NACA: variants seen among roughly 807,000 people sequenced by gnomAD.
NACA encodes nascent polypeptide-associated complex subunit alpha.
A neutral mutation model predicts 86.4 loss-of-function variants in NACA; 42 were observed. That is an observed-to-expected ratio of 0.49 (90% CI 0.38 to 0.63). The LOEUF is 0.63. NACA is among the 20% of genes least tolerant of loss of function. NACA has a pLI of 0.00. For missense variants in NACA, 2,157 were observed against 2,483.6 expected (o/e 0.87, Z 2.80); for synonymous variants, 898 against 973.7 (o/e 0.92, Z 1.45).
Position 56,719,656 on chromosome 12 carries a change from G to C in NACA, c.1874C>G (p.Ser625Cys). The change falls in exon 3 of 9, where the codon TCT becomes TGT. Residue 625 changes from serine (S) to cysteine (C), a missense_variant. Transcript: ENST00000454682. The stretch of plus-strand genomic sequence containing the variant: ...ACCAGCAGAGTCTGGGCCTGCATAA[G>C]AATCTGTCTTGATTACAGAGGCCGA... ...NSSASVIKTD[S>C]YAGPDSAGPL... is the part of the protein sequence containing the mutation. The C allele has an allele frequency of 6.2e-7, 1 of 1,613,822 alleles. No homozygotes were observed. Among genetic ancestry groups the C allele is most frequent in the African/African-American group, 1.3e-5 (1 of 75,040 alleles).
At position 56,719,230 on chromosome 12, in the gene NACA, G is replaced by T; in HGVS notation, c.2300C>A (p.Pro767His). Residue 767 changes from proline to histidine, a missense_variant, in exon 3 of 9, where the codon CCC (proline) becomes CAC (histidine). Around this residue, in one of 8 missense-constraint regions of NACA, gnomAD observed 947 missense variants for 917.9 expected, o/e 1.03. Coordinates refer to ENST00000454682, the MANE Select transcript of NACA (RefSeq NM_001365896.1). ...TSALAPVASSPKECPTEDSGA... is the reference protein window; with the variant it reads ...TSALAPVASSHKECPTEDSGA... The stretch of plus-strand genomic sequence containing the variant: ...AGAGTCCTCAGTTGGGCACTCTTTG[G>T]GAGAGGAAGCAACAGGTGCCAATGC... The T allele has an allele frequency of 6.6e-7, 1 of 1,511,524 alleles. No homozygotes were observed. Among genetic ancestry groups the T allele is most frequent in the Non-Finnish European group, 9.0e-7 (1 of 1,114,386 alleles). 93.6% of individuals were successfully genotyped at this position (1,511,524 alleles called of 1,614,324 possible).
rs1953521736 is a variant in NACA at position 56,719,867 on chromosome 12, T to C, written c.1663A>G (p.Lys555Glu). 1.2e-6 allele frequency: 2 copies of C among 1,613,740 alleles called. No individual in the cohort carries two copies. The highest frequency in any genetic ancestry group is 1.3e-5 in the African/African-American group (1 of 74,878). The change falls in exon 3 of 9, where the codon AAA (lysine) becomes GAA (glutamate). Residue 555 changes from lysine (K) to glutamate (E), a missense_variant. By Grantham distance (56) the Lys-to-Glu change is moderately conservative. This residue lies in a region of NACA where 947 missense variants were observed against 917.9 expected (regional missense o/e 1.03). Coordinates refer to ENST00000454682, the MANE Select transcript of NACA (RefSeq NM_001365896.1). Reference sequence around the variant, plus strand: ...ACTAACGGTAATACAGTAGGGTCTTTCTTGGTGGTGAGTCCTGCTTGGGCT... The same window carrying C: ...ACTAACGGTAATACAGTAGGGTCTTCCTTGGTGGTGAGTCCTGCTTGGGCT... ...SPAQAGLTTKKDPTVLPLVQA... is the reference protein window; with the variant it reads ...SPAQAGLTTKEDPTVLPLVQA...
chr12:56,717,407 T>A lies in NACA; in HGVS notation c.4123A>T (p.Thr1375Ser). Residue 1375 changes from threonine (T) to serine (S), a missense_variant, in exon 3 of 9, where the codon ACC becomes TCC. Transcript: ENST00000454682. The part of the protein sequence containing the change: ...SKEGPTPPAA[T>S]PSHKGGPAMT... ...GCGGGACCTCCTTTGTGGGAGGGGG[T>A]TGCAGCTGGGGGAGTGGGGCCCTCT... The A allele has an allele frequency of 7.8e-7, 1 of 1,276,506 alleles. No individual in the cohort carries two copies. The highest frequency in any genetic ancestry group is 1.0e-6 in the Non-Finnish European group (1 of 988,672). The allele number at this position is 1,276,506 out of a possible 1,614,324, so 79.1% of individuals were successfully genotyped here.
intron 8 of NACA, 110 bp downstream of exon 8, chr12:56,712,676 A>G (rs1953250814): frequency 1.3e-6 from 2 of 1,597,490 alleles, no homozygotes; most frequent in African/African-American, 2.7e-5. Flanking sequence ...AACTCAGAAG[A>G]GGCTCTGGAA....
At chr12:56,723,394 A>T (rs1309022779) in intron 2 of NACA, among the ~76,000 whole-genome samples, 1 of 152,248 alleles carries the variant, frequency 6.6e-6, no homozygotes, top group East Asian at 1.9e-4. Context: ...TTGTTCAATG[A>T]CACAATCTCT....
At chr12:56,723,694 G>A (rs1043393722) in intron 2 of NACA, among the ~76,000 whole-genome samples, 4 of 152,148 alleles carry the variant, frequency 2.6e-5, no homozygotes, top group African/African-American at 9.7e-5. Context: ...AGGTGAGAAT[G>A]AAAATTACAG....
chr12:56,722,230 G>A (rs981533285), intron 2 of NACA, among the ~76,000 whole-genome samples: 5 of 152,166 alleles, frequency 3.3e-5, no homozygotes, highest in African/African-American at 1.2e-4. Context: ...GACTGTAATA[G>A]TCTCTATAAA....
Position 56,716,526 on chromosome 12 carries a change from T to C in NACA, c.5004A>G (p.Ala1668=). Residue 1668 remains alanine, a synonymous_variant, in exon 3 of 9, where the codon GCA becomes GCG. Coordinates refer to ENST00000454682, the MANE Select transcript of NACA (RefSeq NM_001365896.1). ...TCKMGATVPQ[A]SKGLPAKKGP... is the part of the protein sequence containing the mutation. ...CTTTCTTTGCTGGAAGCCCTTTAGATGCTTGAGGAACAGTGGCCCCCATTT... is the reference window on the plus strand; with the variant it reads ...CTTTCTTTGCTGGAAGCCCTTTAGACGCTTGAGGAACAGTGGCCCCCATTT... The C allele has an allele frequency of 6.7e-7, 1 of 1,484,260 alleles. No homozygotes were observed. The highest frequency in any genetic ancestry group is 1.1e-5 in the South Asian group (1 of 89,040). 91.9% of individuals were successfully genotyped at this position (1,484,260 alleles called of 1,614,324 possible).
rs1953459560 is a variant in NACA, at chr12:56,718,375, AG to A, written c.3154del (p.Leu1052SerfsTer66). 1.1e-5 allele frequency: 10 copies of A among 946,104 alleles called. No individual in the cohort carries two copies. Among genetic ancestry groups the A allele is most frequent in the East Asian group, 8.9e-5 (1 of 11,266 alleles). The allele number at this position is 946,104 out of a possible 1,614,324, so 58.6% of individuals were successfully genotyped here. ...SPKGSPAATP[L>X]PKGAPTTPAA... is the part of the protein sequence containing the mutation. ...TGGGGTTGTGGGGGCCCCTTTGGGG[AG>A]TGGGGTAGCTGCTGGACTTCCTTTG... is the stretch of plus-strand genomic sequence containing the variant. On this transcript the variant is annotated frameshift_variant, in exon 3 of 9. Transcript: ENST00000454682. LOFTEE classifies it high-confidence loss of function.
chr12:56,712,507 T>C lies in NACA; in HGVS notation c.*31A>G. 6.2e-7 allele frequency: 1 copy of C among 1,606,370 alleles called. No homozygotes were observed. Among genetic ancestry groups the C allele is most frequent in the Non-Finnish European group, 8.5e-7 (1 of 1,173,650 alleles). On this transcript the variant is annotated 3_prime_UTR_variant, in exon 9 of 9. Transcript: ENST00000454682. ...TCAAACCAAGCTGCAGTTACTCCTT[T>C]GAGACACCAAAAAAAGTTGCTTCCA...
rs1953245955 is a variant in NACA, at chr12:56,712,466, A to G, written c.*72T>C. On this transcript the variant is annotated 3_prime_UTR_variant, in exon 9 of 9. Transcript: ENST00000454682. Reference sequence around the variant, plus strand: ...AAGAAGCCATAACTTTATTTATGATAGAAACAGTACAAATTTCAAACCAAG... The same window carrying G: ...AAGAAGCCATAACTTTATTTATGATGGAAACAGTACAAATTTCAAACCAAG... The G allele has an allele frequency of 6.7e-7, 1 of 1,482,104 alleles. No individual in the cohort carries two copies. The highest frequency in any genetic ancestry group is 9.4e-7 in the Non-Finnish European group (1 of 1,068,850). 91.8% of individuals were successfully genotyped at this position (1,482,104 alleles called of 1,614,324 possible). A position where few individuals can be genotyped will look rare whatever the true frequency, so the allele number is the denominator to read the frequency against.
Position 56,724,563 on chromosome 12 carries a change from G to C in NACA, c.-2-40C>G. ...TAAAAAGGAGGCCTAAATTGATTGG[G>C]ATACATTCACTTGCCCAACCCGGAG... On this transcript the variant is annotated intron_variant, in intron 1 of 8. Coordinates refer to ENST00000454682, the MANE Select transcript of NACA (RefSeq NM_001365896.1). 1.3e-6 allele frequency: 2 copies of C among 1,583,094 alleles called. 1 individual carries two copies. The highest frequency in any genetic ancestry group is 2.3e-5 in the South Asian group (2 of 87,268).
Position 56,717,233 on chromosome 12 carries a change from G to C in NACA, c.4297C>G (p.Leu1433Val). The change falls in exon 3 of 9, where the codon CTC becomes GTC. Residue 1433 changes from leucine to valine, a missense_variant. Physicochemically the swap from Leu to Val is conservative, Grantham distance 32. Transcript: ENST00000454682. ...EGAATPSKGD[L>V]TPPAVTPVSL... ...ACAGGAGTCACTGCTGGGGGAGTGA[G>C]ATCTCCTTTGGATGGGGTGGCTGCG... 2.3e-6 allele frequency: 3 copies of C among 1,315,616 alleles called. No homozygotes were observed. The highest frequency in any genetic ancestry group is 3.0e-6 in the Non-Finnish European group (3 of 1,010,062). 81.5% of individuals were successfully genotyped at this position (1,315,616 alleles called of 1,614,324 possible). A position where few individuals can be genotyped will look rare whatever the true frequency, so the allele number is the denominator to read the frequency against.
At chr12:56,724,293 C>T (rs887333401) in intron 2 of NACA, among the ~76,000 whole-genome samples, 159 bp downstream of exon 2, 1 of 152,176 alleles carries the variant, frequency 6.6e-6, no homozygotes, top group Admixed American at 6.5e-5. Context: ...CTCCAAATCC[C>T]TAAAGAAGTA....
In NACA at chr12:56,717,612, G is replaced by C. The variant is rs766345450; in HGVS notation, c.3918C>G (p.Pro1306=). The C allele has an allele frequency of 2.6e-5, 33 of 1,255,098 alleles. No individual in the cohort carries two copies. Among genetic ancestry groups the C allele is most frequent in the Non-Finnish European group, 3.3e-5 (32 of 978,352 alleles). The allele number at this position is 1,255,098 out of a possible 1,614,324, so 77.7% of individuals were successfully genotyped here. A position where few individuals can be genotyped will look rare whatever the true frequency, so the allele number is the denominator to read the frequency against. ...CAGCTGGAGGAGTGGGGGCCCCTTTGGGGGGTGAGGTAGCTGGGCCTCCTT... is the reference window on the plus strand; with the variant it reads ...CAGCTGGAGGAGTGGGGGCCCCTTTCGGGGGTGAGGTAGCTGGGCCTCCTT... ...SPKGGPATSP[P]KGAPTPPAAT... The change falls in exon 3 of 9, where the codon CCC becomes CCG. Residue 1306 remains proline, a synonymous_variant. Coordinates refer to ENST00000454682, the MANE Select transcript of NACA (RefSeq NM_001365896.1).
In NACA at chr12:56,715,769, A is replaced by G. The variant is rs191919098; in HGVS notation, c.5659+102T>C. On this transcript the variant is annotated intron_variant, in intron 3 of 8. Coordinates refer to ENST00000454682, the MANE Select transcript of NACA (RefSeq NM_001365896.1). ...TCTACATCCAAACCCAAGCAGATTC[A>G]CTGGAGAAAGCGGCGCATCACAGGG... The G allele has an allele frequency of 1.6e-5, 17 of 1,053,936 alleles. No individual in the cohort carries two copies. In the African/African-American group the frequency reaches 2.5e-4, roughly 16 times the overall value. The allele number at this position is 1,053,936 out of a possible 1,614,324, so 65.3% of individuals were successfully genotyped here. A position where few individuals can be genotyped will look rare whatever the true frequency, so the allele number is the denominator to read the frequency against.
In NACA at chr12:56,718,358, T is replaced by G. The variant is rs1592316886; in HGVS notation, c.3172A>C (p.Thr1058Pro). 1 of 1,113,534 alleles carries G rather than the reference T, an allele frequency of 9.0e-7. No individual in the cohort carries two copies. The highest frequency in any genetic ancestry group is 1.1e-6 in the Non-Finnish European group (1 of 906,824). The allele number at this position is 1,113,534 out of a possible 1,614,324, so 69.0% of individuals were successfully genotyped here. A position where few individuals can be genotyped will look rare whatever the true frequency, so the allele number is the denominator to read the frequency against. Residue 1058 changes from threonine (T) to proline (P), a missense_variant, in exon 3 of 9, where the codon ACA becomes CCA. By Grantham distance (38) the Thr-to-Pro change is conservative (BLOSUM62 -1). Around this residue, in one of 8 missense-constraint regions of NACA, gnomAD observed 124 missense variants for 186.5 expected, o/e 0.66. Coordinates refer to ENST00000454682, the MANE Select transcript of NACA (RefSeq NM_001365896.1). ...AATPLPKGAP[T>P]TPAATLPSPK... ...GAGGGAAGAGTTGCAGCTGGGGTTGTGGGGGCCCCTTTGGGGAGTGGGGTA... is the reference window on the plus strand; with the variant it reads ...GAGGGAAGAGTTGCAGCTGGGGTTGGGGGGGCCCCTTTGGGGAGTGGGGTA...
At position 56,716,186 on chromosome 12, in the gene NACA, G is replaced by A; in HGVS notation, c.5344C>T (p.Leu1782Phe). The change falls in exon 3 of 9, where the codon CTT becomes TTT. Residue 1782 changes from leucine (L) to phenylalanine (F), a missense_variant. Leu to Phe is a conservative substitution (Grantham distance 22). Around this residue, in one of 8 missense-constraint regions of NACA, gnomAD observed 797 missense variants for 777.6 expected, o/e 1.02. Coordinates refer to ENST00000454682, the MANE Select transcript of NACA (RefSeq NM_001365896.1). ...PLTAAAFEKV[L>F]PKPESASVSA... ...ACAGATGCTGATTCAGGTTTAGGAA[G>A]GACCTTCTCAAAGGCAGCTGCTGTT... 1 of 1,613,736 alleles carries A rather than the reference G, an allele frequency of 6.2e-7. No individual in the cohort carries two copies.
Position 56,719,035 on chromosome 12 carries a change from T to C in NACA, c.2495A>G (p.Glu832Gly). Residue 832 changes from glutamate to glycine, a missense_variant, in exon 3 of 9, where the codon GAA (glutamate) becomes GGA (glycine). By Grantham distance (98) the Glu-to-Gly change is moderately conservative (BLOSUM62 -2). Around this residue, in one of 8 missense-constraint regions of NACA, gnomAD observed 174 missense variants for 217.0 expected, o/e 0.80. Transcript: ENST00000454682. ...ACTATTCTCTGGAAGAAATGAAGCT[T>C]CAACTGGAGAAACAGGGGATGAGAG... ...GNLSSPVSPV[E>G]ASFLPENSLS... 1 of 1,448,230 alleles carries C rather than the reference T, an allele frequency of 6.9e-7. No homozygotes were observed. The highest frequency in any genetic ancestry group is 9.3e-7 in the Non-Finnish European group (1 of 1,071,848). 89.7% of individuals were successfully genotyped at this position (1,448,230 alleles called of 1,614,324 possible). A position where few individuals can be genotyped will look rare whatever the true frequency, so the allele number is the denominator to read the frequency against.
Sources: allele counts gnomAD v4.1 joint callset (sites outside exome capture counted in the v4.1 genomes callset), GRCh38; gene constraint gnomAD v4.1.1; regional missense constraint gnomAD v4.1.1; transcripts MANE v1.5; gene names NCBI Gene and HGNC (gene_info 2026-07-23, HGNC 2026-07-21).